Variants in SGCD observed in about 807,000 individuals in gnomAD.
SGCD encodes sarcoglycan delta, also known as delta-sarcoglycan.
A neutral mutation model predicts 36.6 loss-of-function variants in SGCD; 18 were observed. The observed-to-expected ratio is 0.49, with a 90% CI of 0.34 to 0.73. The LOEUF is 0.73. Ranked by LOEUF, SGCD falls within the 30% of genes least tolerant of loss-of-function variation. The probability of loss-of-function intolerance (pLI) is 0.01; values close to 1 mark genes in which losing one functional copy is unlikely to be tolerated. For synonymous variants in SGCD, 133 were observed against 130.6 expected (o/e 1.02, Z -0.12); for missense variants, 387 against 346.7 (o/e 1.12, Z -0.92).
chr5:156,342,165 C>T (rs1768691996), intron 2 of SGCD, among the ~76,000 whole-genome samples: 1 of 152,240 alleles, frequency 6.6e-6, no homozygotes, highest in East Asian at 1.9e-4. Context: ...CCTCCATCCT[C>T]TTATAAACAT....
rs1214140530 is a variant in SGCD, at chr5:156,757,593, A to G, written c.588A>G (p.Pro196=). The G allele has an allele frequency of 1.9e-6, 3 of 1,608,444 alleles. No individual in the cohort carries two copies. In the Admixed American group the frequency reaches 5.1e-5, roughly 27 times the overall value. The change falls in exon 8 of 9, where the codon CCA becomes CCG. Residue 196 remains proline, a synonymous_variant. Coordinates refer to ENST00000337851, the MANE Select transcript of SGCD (RefSeq NM_000337.6). ...GGGTGTTTTTCAGGTTGGAGTCCCC[A>G]ACCCGGTCTCTAGTGATGGAGGCCC... ...DPFKELRLES[P]TRSLVMEAPK...
At chr5:155,954,171 T>G (rs1449600510) in intron 1 of SGCD, among the ~76,000 whole-genome samples, 3 of 152,176 alleles carry the variant, frequency 2.0e-5, no homozygotes, top group African/African-American at 4.8e-5. Flanking sequence ...TTTCTATTTG[T>G]AAAAGAAAAC....
intron 1 of SGCD, among the ~76,000 whole-genome samples, chr5:156,080,421 T>C (rs1175093658): frequency 1.3e-5 from 2 of 152,286 alleles, no homozygotes; most frequent in African/African-American, 2.4e-5. Flanking sequence ...CTTTAATTTA[T>C]GCCTTGAAAA....
intron 1 of SGCD, among the ~76,000 whole-genome samples, chr5:156,068,711 A>G (rs1447709189): frequency 2.6e-5 from 4 of 151,634 alleles, no homozygotes; most frequent in Non-Finnish European, 5.9e-5. Flanking sequence ...GACTTCCACA[A>G]TGGTTGAACT....
chr5:156,094,095 C>G (rs551032626), intron 1 of SGCD, among the ~76,000 whole-genome samples: 1 of 152,112 alleles, frequency 6.6e-6, no homozygotes, highest in East Asian at 1.9e-4. Context: ...GGCAGCAGCC[C>G]CTCCTTCTAG....
chr5:156,253,789 G>T, intron 3 of SGCD, among the ~76,000 whole-genome samples: 1 of 151,846 alleles, frequency 6.6e-6, no homozygotes, highest in Non-Finnish European at 1.5e-5. Flanking sequence ...CCAGGTTCAG[G>T]GTCATACTCT....
chr5:156,102,510 C>T (rs1271546769), intron 1 of SGCD, among the ~76,000 whole-genome samples: 1 of 152,128 alleles, frequency 6.6e-6, no homozygotes, highest in East Asian at 1.9e-4. Flanking sequence ...GTCCAAATGT[C>T]TTTCTTCAGT....
At chr5:156,673,821 C>T (rs1248671155) in intron 7 of SGCD, among the ~76,000 whole-genome samples, 1 of 152,212 alleles carries the variant, frequency 6.6e-6, no homozygotes, top group Non-Finnish European at 1.5e-5. Context: ...GTGCAGATGA[C>T]ATTCTTCAGA....
intron 1 of SGCD, among the ~76,000 whole-genome samples, chr5:155,882,792 C>A (rs964456760): frequency 4.6e-5 from 7 of 152,168 alleles, no homozygotes; most frequent in African/African-American, 1.7e-4. Context: ...GGTCAGTGAC[C>A]ATTGGCTTCA....
chr5:155,971,453 T>G (rs967835817), intron 1 of SGCD, among the ~76,000 whole-genome samples: 1 of 152,152 alleles, frequency 6.6e-6, no homozygotes, highest in Non-Finnish European at 1.5e-5. Flanking sequence ...TATTCCCATA[T>G]AGCTGATACT....
rs372833203 is a variant in SGCD at position 156,648,187 on chromosome 5, C to T, written c.575+651C>T. Among the ~76,000 whole-genome samples the T allele has an allele frequency of 1.1e-4, 17 of 151,960 alleles. No individual in the cohort carries two copies. In the East Asian group the frequency reaches 2.9e-3, roughly 26 times the overall value. On this transcript the variant is annotated intron_variant, in intron 7 of 8. Transcript: ENST00000337851. ...CCGCCAAAATGTATTTAAAATGGTA[C>T]GTTGAAACAAATAGAACTATTCTTT...
At chr5:156,585,009 C>T (rs1167737797) in intron 4 of SGCD, among the ~76,000 whole-genome samples, 1 of 152,180 alleles carries the variant, frequency 6.6e-6, no homozygotes, top group Non-Finnish European at 1.5e-5. Flanking sequence ...GCAGTGGTGA[C>T]AGATGAACAT....
At chr5:156,205,142 ACAGACTT>A (rs764775456) in intron 3 of SGCD, among the ~76,000 whole-genome samples, 37 of 152,148 alleles carry the variant, frequency 2.4e-4, no homozygotes, top group South Asian at 1.0e-3. Context: ...CATTCCCAAA[ACAGACTT>A]CAGAACTTCC....
chr5:156,100,857 C>G (rs533508707), intron 1 of SGCD, among the ~76,000 whole-genome samples: 1 of 152,134 alleles, frequency 6.6e-6, no homozygotes, highest in Non-Finnish European at 1.5e-5. Context: ...ACCTACCGTA[C>G]CTTGATTTTG....
intron 3 of SGCD, among the ~76,000 whole-genome samples, chr5:156,181,482 G>C (rs1450287597): frequency 1.3e-5 from 2 of 152,022 alleles, no homozygotes; most frequent in Non-Finnish European, 2.9e-5. Flanking sequence ...AAGGAGAAGG[G>C]GACAATTACA....
intron 3 of SGCD, among the ~76,000 whole-genome samples, chr5:156,235,181 A>G (rs1269356797): frequency 6.6e-6 from 1 of 152,186 alleles, no homozygotes; most frequent in East Asian, 1.9e-4. Context: ...AGACTGAAGG[A>G]TGAAGTTTGA....
chr5:156,606,928 G>A (rs1370144444), intron 6 of SGCD, among the ~76,000 whole-genome samples: 1 of 152,194 alleles, frequency 6.6e-6, no homozygotes, highest in Non-Finnish European at 1.5e-5. Context: ...TTGCCTATCA[G>A]CTTAAGGAGA....
intron 3 of SGCD, among the ~76,000 whole-genome samples, chr5:156,261,154 TG>T (rs1275131007): frequency 2.6e-5 from 4 of 152,186 alleles, no homozygotes; most frequent in Non-Finnish European, 5.9e-5. Context: ...AAAGTTATAC[TG>T]GTTTTATAAA....
At chr5:156,247,932 T>A (rs1034657426) in intron 3 of SGCD, among the ~76,000 whole-genome samples, 9 of 152,192 alleles carry the variant, frequency 5.9e-5, no homozygotes, top group African/African-American at 1.9e-4. Context: ...AATGAAACTG[T>A]AATTATAAAC....
Sources: allele counts gnomAD v4.1 joint callset (sites outside exome capture counted in the v4.1 genomes callset), GRCh38; gene constraint gnomAD v4.1.1; transcripts MANE v1.5; gene names NCBI Gene and HGNC (gene_info 2026-07-23, HGNC 2026-07-21).